The following C2orf72 variants were observed in gnomAD, a reference collection of about 807,000 sequenced individuals.
C2orf72 encodes chromosome 2 open reading frame 72.
Under a neutral mutation model 14.4 loss-of-function variants are expected in C2orf72, and 16 were observed. The ratio of observed to expected loss-of-function variants is 1.11; its 90% CI spans 0.75 to 1.69. The LOEUF (loss-of-function observed/expected upper bound fraction) is 1.69, where lower values mean the gene tolerates loss of function less well. Among genes scored for constraint, C2orf72 ranks in the 40% most tolerant of loss-of-function variants. The pLI, the probability that C2orf72 is intolerant of heterozygous loss-of-function variation, is 0.00. For synonymous variants in C2orf72, 168 were observed against 176.8 expected, an observed-to-expected ratio of 0.95 and a Z score of 0.40; for missense variants, 371 against 358.3, an observed-to-expected ratio of 1.04 and a Z score of -0.29.
chr2:231,040,926 A>G (rs1325628933), intron 1 of C2orf72, among the ~76,000 whole-genome samples: 1 of 152,230 alleles, frequency 6.6e-6, no homozygotes, highest in African/African-American at 2.4e-5. Context: ...AAATGTATCT[A>G]TTCCTGCCAA....
rs1461151475 is a variant in C2orf72, at chr2:231,049,668, C to T, written c.*2647C>T. 2 of 152,166 alleles carry T rather than the reference C, an allele frequency of 1.3e-5. No homozygotes were observed. Among genetic ancestry groups the T allele is most frequent in the South Asian group, 2.1e-4 (1 of 4,818 alleles). The allele number at this position is 152,166 out of a possible 1,614,324, so 9.4% of individuals were successfully genotyped here. A position where few individuals can be genotyped will look rare whatever the true frequency, so the allele number is the denominator to read the frequency against. On this transcript the variant is annotated 3_prime_UTR_variant, in exon 3 of 3. Transcript: ENST00000373640. ...ACTTCTGACTTGAATTGATAATTCT[C>T]ATATCTAATAAAACCAAGAAGTACC... is the stretch of plus-strand genomic sequence containing the variant.
chr2:231,037,809 G>C lies in C2orf72; in HGVS notation c.244G>C (p.Ala82Pro). ...CGCGGGGCCCGGGGCGGCGCGCGGG[G>C]CGCAGAGGGCGGCGAGGGCGGCTGG... ...EGAGPGAARG[A>P]QRAARAAGAA... is the part of the protein sequence containing the mutation. The change falls in exon 1 of 3, where the codon GCG (alanine) becomes CCG (proline). Residue 82 changes from alanine to proline, a missense_variant. Transcript: ENST00000373640. 1 of 980,992 alleles carries C rather than the reference G, an allele frequency of 1.0e-6. No homozygotes were observed. Among genetic ancestry groups the C allele is most frequent in the Non-Finnish European group, 1.2e-6 (1 of 828,526 alleles). The allele number at this position is 980,992 out of a possible 1,614,324, so 60.8% of individuals were successfully genotyped here. A position where few individuals can be genotyped will look rare whatever the true frequency, so the allele number is the denominator to read the frequency against.
rs3731783 is a variant in C2orf72 at position 231,048,341 on chromosome 2, C to T, written c.*1320C>T. The T allele has an allele frequency of 0.24, 36,417 of 152,274 alleles. 4,904 individuals are homozygous for T. The highest frequency in any genetic ancestry group is 0.37 in the African/African-American group (15,232 of 41,518). The allele number at this position is 152,274 out of a possible 1,614,324, so 9.4% of individuals were successfully genotyped here. On this transcript the variant is annotated 3_prime_UTR_variant, in exon 3 of 3. Coordinates refer to ENST00000373640, the MANE Select transcript of C2orf72 (RefSeq NM_001144994.2). ...AGTTTACGCAGCAGACACACAACTG[C>T]GCCTACTATTTGCTCGGTGCCCTGC...
Position 231,037,547 on chromosome 2 carries a change from AG to A in C2orf72, c.-16del, listed in dbSNP as rs1693267928. On this transcript the variant is annotated 5_prime_UTR_variant, in exon 1 of 3. Coordinates refer to ENST00000373640, the MANE Select transcript of C2orf72 (RefSeq NM_001144994.2). ...TGCGCCCGGGCCGCGGCGGCCGCAG[AG>A]GGCGGGCGGCGGCCAGCATGGAGCG... The A allele has an allele frequency of 1.0e-6, 1 of 1,001,368 alleles. No individual in the cohort carries two copies. The highest frequency in any genetic ancestry group is 1.8e-5 in the African/African-American group (1 of 56,538). The allele number at this position is 1,001,368 out of a possible 1,614,324, so 62.0% of individuals were successfully genotyped here.
chr2:231,038,031 G>T lies in C2orf72; in HGVS notation c.466G>T (p.Val156Leu). 1.8e-6 allele frequency: 2 copies of T among 1,082,486 alleles called. No individual in the cohort carries two copies. The highest frequency in any genetic ancestry group is 2.2e-6 in the Non-Finnish European group (2 of 894,384). 67.1% of individuals were successfully genotyped at this position (1,082,486 alleles called of 1,614,324 possible). A position where few individuals can be genotyped will look rare whatever the true frequency, so the allele number is the denominator to read the frequency against. Residue 156 changes from valine (V) to leucine (L), a missense_variant, in exon 1 of 3, where the codon GTG becomes TTG. Around this residue, in one of 3 missense-constraint regions of C2orf72, gnomAD observed 12 missense variants for 30.2 expected, o/e 0.40. Transcript: ENST00000373640. ...LVAEAGPEDA[V>L]APGLRLLEAL... ...GGCCGAGGCCGGGCCAGAGGACGCGGTGGCGCCGGGGCTGCGGCTGCTGGA... is the reference window on the plus strand; with the variant it reads ...GGCCGAGGCCGGGCCAGAGGACGCGTTGGCGCCGGGGCTGCGGCTGCTGGA...
intron 2 of C2orf72, among the ~76,000 whole-genome samples, chr2:231,045,510 C>CTTTTTTTTTTTTTTTTTTTTTTTTT (rs1007020692): frequency 2.3e-5 from 2 of 87,410 alleles, no homozygotes; most frequent in Non-Finnish European, 4.2e-5. Context: ...GTGTTTCAAT[C>CTTTTTTTTTTTTTTTTTTTTTTTTT]TTTTTTTTTT....
rs1693275936 is a variant in C2orf72, at chr2:231,037,834, GGGCGGCGGGGGCGGCGGC to G, written c.278_295del (p.Gly93_Ala98del). ...GCGCAGAGGGCGGCGAGGGCGGCTG[GGGCGGCGGGGGCGGCGGC>G]GGCGGCGGCGCGCGCCATCCGCTCG... On this transcript the variant is annotated inframe_deletion, in exon 1 of 3. Coordinates refer to ENST00000373640, the MANE Select transcript of C2orf72 (RefSeq NM_001144994.2). The G allele has an allele frequency of 2.0e-6, 2 of 978,742 alleles. No homozygotes were observed. The highest frequency in any genetic ancestry group is 6.4e-5 in the Admixed American group (1 of 15,652). 60.6% of individuals were successfully genotyped at this position (978,742 alleles called of 1,614,324 possible). A position where few individuals can be genotyped will look rare whatever the true frequency, so the allele number is the denominator to read the frequency against.
intron 2 of C2orf72, among the ~76,000 whole-genome samples, chr2:231,046,260 T>G (rs1462933476): frequency 2.6e-5 from 4 of 151,702 alleles, no homozygotes; most frequent in Non-Finnish European, 4.4e-5. Flanking sequence ...CCACAGATCT[T>G]ATTCGGATTT....
chr2:231,048,530 G>A lies in C2orf72; in HGVS notation c.*1509G>A, dbSNP rs1381603798. On this transcript the variant is annotated 3_prime_UTR_variant, in exon 3 of 3. Transcript: ENST00000373640. ...CAGCCCCTTGCTCCTGGACAGCAGT[G>A]GGTCTCACCTTTAGCCTCTGCCCCC... 1 of 152,630 alleles carries A rather than the reference G, an allele frequency of 6.6e-6. No individual in the cohort carries two copies. The highest frequency in any genetic ancestry group is 1.5e-5 in the Non-Finnish European group (1 of 68,396). 9.5% of individuals were successfully genotyped at this position (152,630 alleles called of 1,614,324 possible). A position where few individuals can be genotyped will look rare whatever the true frequency, so the allele number is the denominator to read the frequency against.
rs536583052 is a variant in C2orf72, at chr2:231,048,972, A to C, written c.*1951A>C. 1.3e-5 allele frequency: 2 copies of C among 152,292 alleles called. No individual in the cohort carries two copies. The highest frequency in any genetic ancestry group is 3.9e-4 in the East Asian group (2 of 5,188). The allele number at this position is 152,292 out of a possible 1,614,324, so 9.4% of individuals were successfully genotyped here. A position where few individuals can be genotyped will look rare whatever the true frequency, so the allele number is the denominator to read the frequency against. On this transcript the variant is annotated 3_prime_UTR_variant, in exon 3 of 3. Transcript: ENST00000373640. ...TTTGTTTAAGTTTGGAATTTGCCTAAGGCAGAAGTTATAAGGCTTCATAAC... is the reference window on the plus strand; with the variant it reads ...TTTGTTTAAGTTTGGAATTTGCCTACGGCAGAAGTTATAAGGCTTCATAAC...
chr2:231,041,513 A>G lies in C2orf72; in HGVS notation c.748+104A>G, dbSNP rs1025221354. On this transcript the variant is annotated intron_variant, in intron 2 of 2. Transcript: ENST00000373640. ...TTAGGGACAGAGTGGACCAACATCT[A>G]TGGAGTGCTTGCCATGTGCCAGGTG... 20 of 805,458 alleles carry G rather than the reference A, an allele frequency of 2.5e-5. No homozygotes were observed. The African/African-American group carries it at 3.1e-4, about 13-fold the overall frequency. 49.9% of individuals were successfully genotyped at this position (805,458 alleles called of 1,614,324 possible).
intron 2 of C2orf72, 86 bp downstream of exon 2, chr2:231,041,495 CA>C (rs1693339392): frequency 1.0e-6 from 1 of 966,530 alleles, no homozygotes; most frequent in Non-Finnish European, 1.6e-6. Context: ...ACCTTAGGGA[CA>C]GAGTGGACCA....
chr2:231,042,137 G>A (rs888655244), intron 2 of C2orf72, among the ~76,000 whole-genome samples: 1 of 152,026 alleles, frequency 6.6e-6, no homozygotes, highest in African/African-American at 2.4e-5. Context: ...GGAATGGAGG[G>A]GAGAAAACTC....
At chr2:231,042,528 C>A (rs534252179) in intron 2 of C2orf72, among the ~76,000 whole-genome samples, 11 of 152,300 alleles carry the variant, frequency 7.2e-5, no homozygotes, top group African/African-American at 2.6e-4. Context: ...ATGGGGGTGG[C>A]TACAGTACTC....
chr2:231,045,896 T>C (rs1436917995), intron 2 of C2orf72, among the ~76,000 whole-genome samples: 1 of 152,216 alleles, frequency 6.6e-6, no homozygotes, highest in East Asian at 1.9e-4. Flanking sequence ...TGCACGTGAC[T>C]GTACTTACTG....
In C2orf72 at chr2:231,046,977, G is replaced by T. The variant is rs1388628290; in HGVS notation, c.844G>T (p.Gly282Ter). 1 of 1,551,670 alleles carries T rather than the reference G, an allele frequency of 6.4e-7. No homozygotes were observed. The highest frequency in any genetic ancestry group is 2.4e-5 in the East Asian group (1 of 40,916). Residue 282 changes from glycine (G) to a stop codon, truncating the protein, a stop_gained, in exon 3 of 3, where the codon GGA becomes TGA. Transcript: ENST00000373640. LOFTEE classifies it low-confidence loss of function (END_TRUNC). Reference protein sequence around the residue: ...DLGRGSKACDGVVHTPAEPTG... With the variant: ...DLGRGSKACD ...TGGAAGGGGGTCAAAAGCCTGTGAT[G>T]GAGTCGTACACACTCCTGCTGAGCC...
At chr2:231,046,823 A>G (rs759003042) in intron 2 of C2orf72, 59 bp from the exon 3 acceptor site, 70 of 1,489,726 alleles carry the variant, frequency 4.7e-5, no homozygotes, top group Non-Finnish European at 5.7e-5. Flanking sequence ...TTTCCTTCCT[A>G]GATAACTCAC....
chr2:231,047,228 G>T lies in C2orf72; in HGVS notation c.*207G>T. Reference sequence around the variant, plus strand: ...CCCCTGGGAACCTACTCCCCACCCAGCATTTGCTAAGTCTGATCACAGGGA... The same window carrying T: ...CCCCTGGGAACCTACTCCCCACCCATCATTTGCTAAGTCTGATCACAGGGA... On this transcript the variant is annotated 3_prime_UTR_variant, in exon 3 of 3. Coordinates refer to ENST00000373640, the MANE Select transcript of C2orf72 (RefSeq NM_001144994.2). The T allele has an allele frequency of 1.4e-6, 1 of 696,754 alleles. No individual in the cohort carries two copies. Among genetic ancestry groups the T allele is most frequent in the East Asian group, 2.8e-5 (1 of 35,564 alleles). 43.2% of individuals were successfully genotyped at this position (696,754 alleles called of 1,614,324 possible).
At chr2:231,038,310 T>C in intron 1 of C2orf72, 111 bp downstream of exon 1, 1 of 891,828 alleles carries the variant, frequency 1.1e-6, no homozygotes, top group Non-Finnish European at 1.4e-6. Context: ...AAACTGAGGC[T>C]CAGAGCAGGG....
Sources: allele counts gnomAD v4.1 joint callset (sites outside exome capture counted in the v4.1 genomes callset), GRCh38; gene constraint gnomAD v4.1.1; regional missense constraint gnomAD v4.1.1; transcripts MANE v1.5; gene names NCBI Gene and HGNC (gene_info 2026-07-23, HGNC 2026-07-21).